TLK2: variants seen among roughly 807,000 people sequenced by gnomAD.
TLK2 encodes tousled like kinase 2, also known as serine/threonine-protein kinase tousled-like 2.
TLK2 carries 6 observed loss-of-function variants against 117.3 expected under a neutral mutation model. That is an observed-to-expected ratio of 0.05 (90% CI 0.03 to 0.10). The LOEUF is 0.10. Among genes scored for constraint, TLK2 ranks in the 10% least tolerant of loss-of-function variants. The pLI is 1.00. For missense variants in TLK2, 299 were observed against 901.2 expected (o/e 0.33, Z 8.56); for synonymous variants, 257 against 316.7 (o/e 0.81, Z 2.00).
intron 2 of TLK2, among the ~76,000 whole-genome samples, chr17:62,489,848 T>G (rs2072918441): frequency 6.6e-6 from 1 of 152,196 alleles, no homozygotes; most frequent in African/African-American, 2.4e-5. Flanking sequence ...TTATTTTTAT[T>G]TTTTTGAGAT....
intron 6 of TLK2, among the ~76,000 whole-genome samples, chr17:62,526,950 C>T (rs2076403224): frequency 6.6e-6 from 1 of 152,220 alleles, no homozygotes; most frequent in South Asian, 2.1e-4. Context: ...ACTTCCTAGA[C>T]TGAAGTCTTT....
chr17:62,612,375 G>A lies in TLK2; in HGVS notation c.2080-17G>A. ...CAAGACTATCTGCCTCTGTCTTCAAGAAACTCTCCTTTGCAGGCGTTTATT... is the reference window on the plus strand; with the variant it reads ...CAAGACTATCTGCCTCTGTCTTCAAAAAACTCTCCTTTGCAGGCGTTTATT... On this transcript the variant is annotated splice_polypyrimidine_tract_variant and intron_variant, in intron 21 of 21. Transcript: ENST00000346027. 1 of 1,609,892 alleles carries A rather than the reference G, an allele frequency of 6.2e-7. No homozygotes were observed. Among genetic ancestry groups the A allele is most frequent in the Non-Finnish European group, 8.5e-7 (1 of 1,177,678 alleles).
chr17:62,552,917 T>G (rs2146214710), intron 8 of TLK2, among the ~76,000 whole-genome samples: 1 of 152,340 alleles, frequency 6.6e-6, no homozygotes, highest in Non-Finnish European at 1.5e-5. Flanking sequence ...GCTTACTTAT[T>G]TATACCTGGC....
At chr17:62,530,492 G>T (rs1253029770) in intron 6 of TLK2, among the ~76,000 whole-genome samples, 1 of 152,056 alleles carries the variant, frequency 6.6e-6, no homozygotes, top group Non-Finnish European at 1.5e-5. Context: ...GAAAAAATAA[G>T]AATAAATTAC....
chr17:62,538,038 T>TTG (rs891798064), intron 7 of TLK2, among the ~76,000 whole-genome samples: 11 of 143,180 alleles, frequency 7.7e-5, no homozygotes, highest in African/African-American at 1.8e-4. Context: ...TCTTTGTTTT[T>TTG]TTTTTTTTTT....
intron 11 of TLK2, 75 bp downstream of exon 11, chr17:62,565,212 C>A: frequency 8.8e-6 from 13 of 1,482,628 alleles, no homozygotes; most frequent in Admixed American, 4.4e-5. Flanking sequence ...TAATTGTAGT[C>A]ATTAATAATC....
intron 5 of TLK2, among the ~76,000 whole-genome samples, chr17:62,523,937 A>G (rs1266636835): frequency 6.6e-6 from 1 of 152,224 alleles, no homozygotes; most frequent in Non-Finnish European, 1.5e-5. Flanking sequence ...TGCTTCGTGT[A>G]TTTGGAGACA....
At chr17:62,547,680 C>G (rs2078052445) in intron 7 of TLK2, among the ~76,000 whole-genome samples, 1 of 152,174 alleles carries the variant, frequency 6.6e-6, no homozygotes, top group South Asian at 2.1e-4. Flanking sequence ...TTGGAAACAT[C>G]TAACACCCTT....
intron 12 of TLK2, 103 bp from the exon 13 acceptor site, chr17:62,576,606 G>T: frequency 1.1e-6 from 1 of 887,360 alleles, no homozygotes; most frequent in South Asian, 1.4e-5. Flanking sequence ...TTTTAACTGA[G>T]ACTGAAACTG....
rs529433002 is a variant in TLK2, at chr17:62,556,026, T to A, written c.720+2271T>A. Among the ~76,000 whole-genome samples, 33 of 152,248 alleles carry A rather than the reference T, an allele frequency of 2.2e-4. 1 individual carries two copies. Among genetic ancestry groups the A allele is most frequent in the Admixed American group, 2.0e-3 (30 of 15,278 alleles). On this transcript the variant is annotated intron_variant, in intron 9 of 21. Coordinates refer to ENST00000346027, the MANE Select transcript of TLK2 (RefSeq NM_006852.6). The stretch of plus-strand genomic sequence containing the variant: ...GTCACCCAGGTTCAAGTGATTCTCC[T>A]GCCTCTGCCTCCCAAGTAGCTGGGA...
intron 14 of TLK2, among the ~76,000 whole-genome samples, 162 bp from the exon 15 acceptor site, chr17:62,579,949 G>C (rs1489417654): frequency 6.6e-6 from 1 of 152,158 alleles, no homozygotes; most frequent in Non-Finnish European, 1.5e-5. Context: ...TCTTTGAACT[G>C]TGTAACTTTA....
intron 7 of TLK2, among the ~76,000 whole-genome samples, chr17:62,548,472 G>A (rs1485832708): frequency 5.3e-5 from 8 of 151,620 alleles, no homozygotes; most frequent in African/African-American, 1.7e-4. Flanking sequence ...TAGTAGAGAC[G>A]AGGTTTCACC....
intron 2 of TLK2, among the ~76,000 whole-genome samples, chr17:62,483,956 G>A (rs926299401): frequency 6.6e-6 from 1 of 152,054 alleles, no homozygotes; most frequent in Non-Finnish European, 1.5e-5. Flanking sequence ...CTCCTGAGTA[G>A]CTGGGACTAT....
At chr17:62,527,431 T>C (rs1371517376) in intron 6 of TLK2, among the ~76,000 whole-genome samples, 2 of 152,080 alleles carry the variant, frequency 1.3e-5, no homozygotes, top group African/African-American at 4.8e-5. Context: ...ACAAGAAATA[T>C]TACCAGTGCT....
chr17:62,503,805 T>C (rs1287130076), intron 2 of TLK2, among the ~76,000 whole-genome samples: 6 of 150,994 alleles, frequency 4.0e-5, no homozygotes, highest in Non-Finnish European at 5.9e-5. Flanking sequence ...CTCAGCTCAC[T>C]GCAGCCTCCC....
chr17:62,507,215 G>A (rs1598282495), intron 2 of TLK2, among the ~76,000 whole-genome samples: 1 of 151,760 alleles, frequency 6.6e-6, no homozygotes, highest in Non-Finnish European at 1.5e-5. Context: ...CAGAGGTTGC[G>A]GTCAGCCGAG....
chr17:62,555,596 C>T (rs1165014099), intron 9 of TLK2, among the ~76,000 whole-genome samples: 8 of 151,376 alleles, frequency 5.3e-5, no homozygotes, highest in Admixed American at 2.0e-4. Context: ...AATTCTCCTA[C>T]CTCAGCCTCC....
chr17:62,587,402 G>GT (rs1251319946), intron 16 of TLK2, among the ~76,000 whole-genome samples: 1 of 151,880 alleles, frequency 6.6e-6, no homozygotes, highest in Non-Finnish European at 1.5e-5. Flanking sequence ...GGCAGTCTTG[G>GT]TTTTTTTTGG....
chr17:62,516,884 C>T, intron 2 of TLK2: 2 of 677,588 alleles, frequency 3.0e-6, no homozygotes, highest in South Asian at 1.8e-5. Context: ...ACTTTCATTT[C>T]ATTTGCATGT....
Sources: allele counts gnomAD v4.1 joint callset (sites outside exome capture counted in the v4.1 genomes callset), GRCh38; gene constraint gnomAD v4.1.1; transcripts MANE v1.5; gene names NCBI Gene and HGNC (gene_info 2026-07-23, HGNC 2026-07-21).